The following PPP3R1 variants were observed in gnomAD, a reference collection of about 807,000 sequenced individuals.
The protein encoded by PPP3R1 is protein phosphatase 3 regulatory subunit B, alpha, also known as calcineurin subunit B type 1.
PPP3R1 carries 5 observed loss-of-function variants against 22.6 expected under a neutral mutation model. The ratio of observed to expected loss-of-function variants is 0.22; its 90% CI spans 0.12 to 0.46. The LOEUF is 0.46. Among genes scored for constraint, PPP3R1 ranks in the 20% least tolerant of loss-of-function variants. The pLI, the probability that PPP3R1 is intolerant of heterozygous loss-of-function variation, is 0.99. For synonymous variants in PPP3R1, 56 were observed against 65.2 expected (o/e 0.86, Z 0.68); for missense variants, 61 against 203.2 (o/e 0.30, Z 4.25).
In PPP3R1 at chr2:68,221,747, A is replaced by C. The variant is rs1007413664; in HGVS notation, c.4-4616T>G. Among the ~76,000 whole-genome samples, 49 of 152,140 alleles carry C rather than the reference A, an allele frequency of 3.2e-4. 1 individual carries two copies. The highest frequency in any genetic ancestry group is 6.9e-4 in the Non-Finnish European group (47 of 68,022). On this transcript the variant is annotated intron_variant, in intron 1 of 5. Coordinates refer to ENST00000234310, the MANE Select transcript of PPP3R1 (RefSeq NM_000945.4). ...AAATCTTAAATATAATCAGAGGGGA[A>C]AAAAGATAAACTACATACATACAAC...
intron 2 of PPP3R1, among the ~76,000 whole-genome samples, chr2:68,198,479 A>G (rs116149692): frequency 1.0e-4 from 14 of 138,778 alleles, no homozygotes; most frequent in African/African-American, 4.2e-4. Flanking sequence ...ATGCGTATGT[A>G]TATATATGTA....
At chr2:68,234,555 C>T (rs1453940588) in intron 1 of PPP3R1, among the ~76,000 whole-genome samples, 1 of 152,176 alleles carries the variant, frequency 6.6e-6, no homozygotes, top group Non-Finnish European at 1.5e-5. Context: ...TGGCTTGTTA[C>T]TGCCAACTCA....
intron 1 of PPP3R1, among the ~76,000 whole-genome samples, chr2:68,218,690 C>T (rs188318807): frequency 2.7e-5 from 4 of 148,586 alleles, no homozygotes; most frequent in Admixed American, 2.0e-4. Flanking sequence ...AAGAGCATAC[C>T]GGTATTTTAT....
rs201353551 is a variant in PPP3R1 at position 68,245,368 on chromosome 2, G to GA, written c.3+6756dup. On this transcript the variant is annotated intron_variant, in intron 1 of 5. Coordinates refer to ENST00000234310, the MANE Select transcript of PPP3R1 (RefSeq NM_000945.4). ...AATAGCAAGATCCTGTCTCCAAAAA[G>GA]AAAAAAAAATTATTCAGTTTATTTT... is the stretch of plus-strand genomic sequence containing the variant. Among the ~76,000 whole-genome samples the GA allele has an allele frequency of 3.0e-3, 452 of 150,734 alleles. 2 individuals are homozygous for GA. Among genetic ancestry groups the GA allele is most frequent in the African/African-American group, 6.7e-3 (275 of 41,158 alleles).
chr2:68,204,312 T>C (rs1193321852), intron 2 of PPP3R1, among the ~76,000 whole-genome samples: 1 of 137,256 alleles, frequency 7.3e-6, no homozygotes, highest in African/African-American at 2.8e-5. Context: ...TTGAATGACA[T>C]ATACATATAT....
chr2:68,242,306 A>G (rs570643863), intron 1 of PPP3R1, among the ~76,000 whole-genome samples: 2 of 152,100 alleles, frequency 1.3e-5, no homozygotes, highest in Non-Finnish European at 1.5e-5. Context: ...GCGCACCCGC[A>G]ATCACAGCTA....
intron 1 of PPP3R1, among the ~76,000 whole-genome samples, chr2:68,218,960 T>G (rs1303357887): frequency 6.6e-6 from 1 of 152,116 alleles, no homozygotes; most frequent in Non-Finnish European, 1.5e-5. Context: ...CCAGGGCTCC[T>G]AAGGACTTTC....
intron 1 of PPP3R1, among the ~76,000 whole-genome samples, chr2:68,247,634 A>G (rs7560138): frequency 0.45 from 68,871 of 152,092 alleles, 15,897 homozygotes; most frequent in South Asian, 0.62. Context: ...TCTCGAGGAC[A>G]GGAACAGTAT....
intron 1 of PPP3R1, among the ~76,000 whole-genome samples, chr2:68,226,176 C>T (rs1305337110): frequency 1.3e-5 from 2 of 152,088 alleles, no homozygotes; most frequent in African/African-American, 4.8e-5. Flanking sequence ...AGGGGGAGAA[C>T]AGGGAGTGAA....
At chr2:68,219,716 A>T (rs1052495694) in intron 1 of PPP3R1, among the ~76,000 whole-genome samples, 1 of 152,220 alleles carries the variant, frequency 6.6e-6, no homozygotes, top group Admixed American at 6.5e-5. Flanking sequence ...ACTGTGAGAG[A>T]CATACCCAAT....
At position 68,232,223 on chromosome 2, in the gene PPP3R1, A is replaced by ATGTGTGTG. The variant is rs76815812; in HGVS notation, c.4-15100_4-15093dup. 1.3e-4 allele frequency among the ~76,000 whole-genome samples: 6 copies of ATGTGTGTG among 45,762 alleles called. No individual in the cohort carries two copies. In the South Asian group the frequency reaches 2.2e-3, roughly 17 times the overall value. The allele number at this position is 45,762 out of a possible 152,430, so 30.0% of individuals were successfully genotyped here. On this transcript the variant is annotated intron_variant, in intron 1 of 5. Transcript: ENST00000234310. Reference sequence around the variant, plus strand: ...TTATATACATATTGTATATGTATATATGTGTGTGTGTGTGTGTGTGTGTGT... The same window carrying ATGTGTGTG: ...TTATATACATATTGTATATGTATATATGTGTGTGTGTGTGTGTGTGTGTGTGTGTGTGT...
intron 2 of PPP3R1, among the ~76,000 whole-genome samples, chr2:68,215,414 C>T (rs577420146): frequency 6.6e-6 from 1 of 152,202 alleles, no homozygotes; most frequent in South Asian, 2.1e-4. Context: ...CATAAGGAAG[C>T]CGCATAGTAA....
At chr2:68,201,847 G>A (rs890166576) in intron 2 of PPP3R1, among the ~76,000 whole-genome samples, 1 of 152,190 alleles carries the variant, frequency 6.6e-6, no homozygotes, top group Non-Finnish European at 1.5e-5. Context: ...GAAGTCCAAT[G>A]CCAGCGGACT....
chr2:68,196,551 A>T (rs916256014), intron 2 of PPP3R1, among the ~76,000 whole-genome samples: 4 of 152,158 alleles, frequency 2.6e-5, no homozygotes, highest in Non-Finnish European at 4.4e-5. Context: ...AAATACATGA[A>T]AAACTCATCC....
At chr2:68,208,449 T>G (rs1009009862) in intron 2 of PPP3R1, among the ~76,000 whole-genome samples, 1 of 152,210 alleles carries the variant, frequency 6.6e-6, no homozygotes, top group Non-Finnish European at 1.5e-5. Flanking sequence ...AAAATGGGCA[T>G]GGCTATGTTC....
intron 1 of PPP3R1, among the ~76,000 whole-genome samples, chr2:68,228,957 T>C (rs568767047): frequency 8.5e-5 from 13 of 152,286 alleles, no homozygotes; most frequent in South Asian, 4.1e-4. Flanking sequence ...TATTGATTTC[T>C]AGTTTGATTC....
chr2:68,209,621 G>A (rs937622391), intron 2 of PPP3R1, among the ~76,000 whole-genome samples: 4 of 151,648 alleles, frequency 2.6e-5, no homozygotes, highest in Non-Finnish European at 5.9e-5. Context: ...AGCCAGGAGT[G>A]GTGGTACATG....
intron 1 of PPP3R1, among the ~76,000 whole-genome samples, chr2:68,223,783 C>A (rs1669731202): frequency 6.9e-6 from 1 of 145,810 alleles, no homozygotes; most frequent in African/African-American, 2.5e-5. Flanking sequence ...ATAAAGACAT[C>A]TGCACAAATA....
At chr2:68,235,415 C>G (rs2103800232) in intron 1 of PPP3R1, among the ~76,000 whole-genome samples, 1 of 152,254 alleles carries the variant, frequency 6.6e-6, no homozygotes, top group African/African-American at 2.4e-5. Context: ...TACTTTCTGG[C>G]TCTACATATT....
Sources: allele counts gnomAD v4.1 joint callset (sites outside exome capture counted in the v4.1 genomes callset), GRCh38; gene constraint gnomAD v4.1.1; transcripts MANE v1.5; gene names NCBI Gene and HGNC (gene_info 2026-07-23, HGNC 2026-07-21).